The following ZNF804A variants were observed in gnomAD, a reference collection of about 807,000 sequenced individuals.
ZNF804A encodes the protein zinc finger protein 804A.
A neutral mutation model predicts 16.5 loss-of-function variants in ZNF804A; 2 were observed. The observed-to-expected ratio is 0.12, with a 90% CI of 0.05 to 0.38. The LOEUF is 0.38. ZNF804A is among the 10% of genes least tolerant of loss of function. The probability of loss-of-function intolerance (pLI) is 0.99; values close to 1 mark genes in which losing one functional copy is unlikely to be tolerated. For missense variants in ZNF804A, 1,473 were observed against 1,390.7 expected (o/e 1.06, Z -0.94); for synonymous variants, 534 against 489.6 (o/e 1.09, Z -1.20).
chr2:184,825,668 A>G (rs1396765769), intron 1 of ZNF804A, among the ~76,000 whole-genome samples: 1 of 152,132 alleles, frequency 6.6e-6, no homozygotes, highest in Non-Finnish European at 1.5e-5. Flanking sequence ...GCTCAGTGGT[A>G]TTTCAAACCT....
intron 2 of ZNF804A, among the ~76,000 whole-genome samples, chr2:184,876,315 G>C (rs148500388): frequency 2.0e-5 from 3 of 151,880 alleles, no homozygotes; most frequent in Admixed American, 6.6e-5. Flanking sequence ...ATGTACTAAA[G>C]CTTAATTTAA....
At chr2:184,653,390 T>G (rs1292157451) in intron 1 of ZNF804A, among the ~76,000 whole-genome samples, 1 of 152,204 alleles carries the variant, frequency 6.6e-6, no homozygotes, top group East Asian at 1.9e-4. Context: ...CGAATCCATA[T>G]GGGTCTGCAG....
At chr2:184,913,900 T>A (rs1470701127) in intron 2 of ZNF804A, among the ~76,000 whole-genome samples, 1 of 152,186 alleles carries the variant, frequency 6.6e-6, no homozygotes, top group Admixed American at 6.6e-5. Flanking sequence ...CTTTTAATTA[T>A]CACCAAGGCT....
chr2:184,708,117 A>C (rs75558946), intron 1 of ZNF804A, among the ~76,000 whole-genome samples: 2,724 of 151,898 alleles, frequency 0.018, 50 homozygotes, highest in Non-Finnish European at 0.027. Flanking sequence ...TGTTTTGTAC[A>C]TACTTCTCAA....
At chr2:184,820,736 A>C (rs1695064768) in intron 1 of ZNF804A, among the ~76,000 whole-genome samples, 1 of 152,114 alleles carries the variant, frequency 6.6e-6, no homozygotes, top group African/African-American at 2.4e-5. Context: ...ATACAAAATA[A>C]ATGTGCAAAA....
intron 1 of ZNF804A, among the ~76,000 whole-genome samples, chr2:184,851,408 T>A (rs1695600128): frequency 6.6e-6 from 1 of 151,982 alleles, no homozygotes; most frequent in Non-Finnish European, 1.5e-5. Context: ...GTTTTTAGGT[T>A]CCACGTATAC....
intron 1 of ZNF804A, among the ~76,000 whole-genome samples, chr2:184,838,938 A>G (rs1015224652): frequency 6.6e-6 from 1 of 152,140 alleles, no homozygotes; most frequent in Non-Finnish European, 1.5e-5. Context: ...ATAATACTTT[A>G]TCCATTGATA....
intron 1 of ZNF804A, among the ~76,000 whole-genome samples, chr2:184,616,176 T>C (rs1325452983): frequency 6.6e-6 from 1 of 152,192 alleles, no homozygotes; most frequent in Non-Finnish European, 1.5e-5. Flanking sequence ...TTCCAGAGTT[T>C]TCACGTGTTT....
chr2:184,686,284 C>G (rs909495972), intron 1 of ZNF804A, among the ~76,000 whole-genome samples: 1 of 152,154 alleles, frequency 6.6e-6, no homozygotes, highest in Non-Finnish European at 1.5e-5. Flanking sequence ...CCACCTTTTC[C>G]AGCTCTTGCT....
Position 184,938,674 on chromosome 2 carries a change from C to A in ZNF804A, c.3278C>A (p.Thr1093Asn), listed in dbSNP as rs1385890236. ...CCTTTGCAGCAGTCCTTATGTTCTACCTCTGTAACCACTATCCATCACACT... is the reference window on the plus strand; with the variant it reads ...CCTTTGCAGCAGTCCTTATGTTCTAACTCTGTAACCACTATCCATCACACT... ...PLPLQQSLCS[T>N]SVTTIHHTVL... The change falls in exon 4 of 4, where the codon ACC (threonine) becomes AAC (asparagine). Residue 1093 changes from threonine to asparagine, a missense_variant. Transcript: ENST00000302277. The A allele has an allele frequency of 1.2e-6, 2 of 1,613,810 alleles. No homozygotes were observed. Among genetic ancestry groups the A allele is most frequent in the African/African-American group, 2.7e-5 (2 of 74,884 alleles).
At chr2:184,699,506 A>G (rs1692886704) in intron 1 of ZNF804A, among the ~76,000 whole-genome samples, 1 of 152,118 alleles carries the variant, frequency 6.6e-6, no homozygotes, top group Non-Finnish European at 1.5e-5. Context: ...TTCATTGTCA[A>G]TGTGGACTTC....
chr2:184,651,344 T>G (rs575161977), intron 1 of ZNF804A, among the ~76,000 whole-genome samples: 1 of 152,046 alleles, frequency 6.6e-6, no homozygotes, highest in African/African-American at 2.4e-5. Flanking sequence ...GAAGCCTAAT[T>G]AAAATCTAGG....
intron 1 of ZNF804A, among the ~76,000 whole-genome samples, chr2:184,620,057 A>G (rs998071874): frequency 9.9e-5 from 15 of 151,838 alleles, no homozygotes; most frequent in African/African-American, 3.1e-4. Context: ...TATATATGAT[A>G]TCAGATTATG....
intron 2 of ZNF804A, among the ~76,000 whole-genome samples, chr2:184,884,529 C>T (rs1684857127): frequency 6.6e-6 from 1 of 151,932 alleles, no homozygotes; most frequent in Non-Finnish European, 1.5e-5. Context: ...AAGCTGGAGA[C>T]ATCACATTAC....
chr2:184,926,529 G>T (rs1341798741), intron 2 of ZNF804A, among the ~76,000 whole-genome samples: 2 of 151,742 alleles, frequency 1.3e-5, no homozygotes, highest in Non-Finnish European at 1.5e-5. Context: ...TCTTTTACTT[G>T]GATATTGGTA....
chr2:184,614,166 C>T (rs1310196551), intron 1 of ZNF804A, among the ~76,000 whole-genome samples: 2 of 152,004 alleles, frequency 1.3e-5, no homozygotes, highest in Non-Finnish European at 2.9e-5. Flanking sequence ...ACAAACCTGA[C>T]AAAAACAAGA....
rs761937584 is a variant in ZNF804A at position 184,684,159 on chromosome 2, G to A, written c.111+85089G>A. On this transcript the variant is annotated intron_variant, in intron 1 of 3. Transcript: ENST00000302277. The stretch of plus-strand genomic sequence containing the variant: ...CTTTACAACCACCCTTGCCTAAGGC[G>A]TAATGAATGATTTGTGAGTTTGTAC... Among the ~76,000 whole-genome samples the A allele has an allele frequency of 3.9e-4, 60 of 152,166 alleles. 1 individual carries two copies. Among genetic ancestry groups the A allele is most frequent in the Non-Finnish European group, 6.8e-4 (46 of 68,026 alleles).
chr2:184,827,521 C>G (rs1308561728), intron 1 of ZNF804A, among the ~76,000 whole-genome samples: 2 of 144,198 alleles, frequency 1.4e-5, no homozygotes, highest in Non-Finnish European at 3.0e-5. Context: ...AAACTTTCAC[C>G]CCAATTATAA....
In ZNF804A at chr2:184,765,788, AGTTAATT is replaced by A. The variant is rs1232121529; in HGVS notation, c.112-100580_112-100574del. Among the ~76,000 whole-genome samples the A allele has an allele frequency of 8.5e-5, 13 of 152,236 alleles. No individual in the cohort carries two copies. The East Asian group carries it at 2.1e-3, about 25-fold the overall frequency. ...GCTACAGTAAGAGACTGAAACTGAA[AGTTAATT>A]CTTCCAATTCTATTACTTTCTCATG... On this transcript the variant is annotated intron_variant, in intron 1 of 3. Coordinates refer to ENST00000302277, the MANE Select transcript of ZNF804A (RefSeq NM_194250.2).
Sources: allele counts gnomAD v4.1 joint callset (sites outside exome capture counted in the v4.1 genomes callset), GRCh38; gene constraint gnomAD v4.1.1; transcripts MANE v1.5; gene names NCBI Gene and HGNC (gene_info 2026-07-23, HGNC 2026-07-21).